NR5A1: variants seen among roughly 807,000 people sequenced by gnomAD.
NR5A1 encodes the protein steroidogenic factor 1.
A neutral mutation model predicts 42.7 loss-of-function variants in NR5A1; 6 were observed. That is an observed-to-expected ratio of 0.14 (90% CI 0.08 to 0.28). The LOEUF is 0.28. Among genes scored for constraint, NR5A1 ranks in the 10% least tolerant of loss-of-function variants. The pLI, the probability that NR5A1 is intolerant of heterozygous loss-of-function variation, is 1.00. For missense variants in NR5A1, 442 were observed against 626.4 expected (o/e 0.71, Z 3.14); for synonymous variants, 274 against 277.5 (o/e 0.99, Z 0.12).
Position 124,503,170 on chromosome 9 carries a change from C to G in NR5A1, c.153G>C (p.Glu51Asp). Reference protein sequence around the residue: ...VQNNKHYTCTESQSCKIDKTQ... With the variant: ...VQNNKHYTCTDSQSCKIDKTQ... ...TCTTGTCGATCTTGCAGCTCTGGCT[C>G]TCGGTGCACGTGTAGTGCTTGTTGT... The change falls in exon 3 of 7, where the codon GAG becomes GAC. Residue 51 changes from glutamate (E) to aspartate (D), a missense_variant. Glu to Asp is a conservative substitution (Grantham distance 45). This residue lies in a region of NR5A1 where 71 missense variants were observed against 156.8 expected (regional missense o/e 0.45). Transcript: ENST00000373588. This position sits in a 1 kb window ranked among gnomAD's most constrained non-coding sequence, Gnocchi z 9.6. 1 of 1,601,334 alleles carries G rather than the reference C, an allele frequency of 6.2e-7. No homozygotes were observed. Among genetic ancestry groups the G allele is most frequent in the Non-Finnish European group, 8.5e-7 (1 of 1,175,014 alleles).
chr9:124,494,588 C>T (rs1832360563), intron 4 of NR5A1, among the ~76,000 whole-genome samples: 1 of 152,210 alleles, frequency 6.6e-6, no homozygotes, highest in South Asian at 2.1e-4. Context: ...TCTCTGGGCC[C>T]CAGAGCAGTG....
chr9:124,482,566 C>A lies in NR5A1; in HGVS notation c.*192G>T. ...CAGTGGCCACTCCACCTCCGCCAGG[C>A]CCTGCCCAGCCTCACCCACCTTCCC... is the stretch of plus-strand genomic sequence containing the variant. On this transcript the variant is annotated 3_prime_UTR_variant, in exon 7 of 7. Coordinates refer to ENST00000373588, the MANE Select transcript of NR5A1 (RefSeq NM_004959.5). The A allele has an allele frequency of 1.5e-6, 1 of 676,080 alleles. No homozygotes were observed. The highest frequency in any genetic ancestry group is 2.4e-6 in the Non-Finnish European group (1 of 419,268). 41.9% of individuals were successfully genotyped at this position (676,080 alleles called of 1,614,324 possible).
At chr9:124,493,667 G>C (rs987111767) in intron 4 of NR5A1, among the ~76,000 whole-genome samples, 1 of 152,200 alleles carries the variant, frequency 6.6e-6, no homozygotes, top group Non-Finnish European at 1.5e-5. Context: ...CTTCCCCCCC[G>C]GGCCTACGCA....
At position 124,498,569 on chromosome 9, in the gene NR5A1, C is replaced by CG. The variant is rs1157103327; in HGVS notation, c.870+1520dup. Among the ~76,000 whole-genome samples the CG allele has an allele frequency of 1.3e-5, 2 of 152,198 alleles. No individual in the cohort carries two copies. Among genetic ancestry groups the CG allele is most frequent in the East Asian group, 1.9e-4 (1 of 5,188 alleles). On this transcript the variant is annotated intron_variant, in intron 4 of 6. Transcript: ENST00000373588. The surrounding 1 kb of genome is among the most constrained non-coding windows in gnomAD (Gnocchi z 4.6). The stretch of plus-strand genomic sequence containing the variant: ...TGCCCTGCTCCTCCTCCCCTCTGCA[C>CG]GGGGGGTGCATGGGAAGTCTGGAGG...
At position 124,500,147 on chromosome 9, in the gene NR5A1, C is replaced by A; in HGVS notation, c.813G>T (p.Gln271His). Residue 271 changes from glutamine to histidine, a missense_variant, in exon 4 of 7, where the codon CAG becomes CAT. Transcript: ENST00000373588. This position sits in a 1 kb window ranked among gnomAD's most constrained non-coding sequence, Gnocchi z 6.9. ...CCCAGTCCACGATGGAGATGAAGGT[C>A]TGGTCGGCCATTCTGCACAGGAGGC... The part of the protein sequence containing the change: ...AFGLLCRMAD[Q>H]TFISIVDWAR... 6.2e-7 allele frequency: 1 copy of A among 1,613,072 alleles called. No individual in the cohort carries two copies.
In NR5A1 at chr9:124,482,463, A is replaced by AGAGCTGG. The variant is rs1398474671; in HGVS notation, c.*288_*294dup. ...CTGCAGGCTTCAGACTCCAGGAGAG[A>AGAGCTGG]GAGCTGGGAGCAGGGAGGGGGCGGG... On this transcript the variant is annotated 3_prime_UTR_variant, in exon 7 of 7. Coordinates refer to ENST00000373588, the MANE Select transcript of NR5A1 (RefSeq NM_004959.5). 9 of 448,996 alleles carry AGAGCTGG rather than the reference A, an allele frequency of 2.0e-5. No individual in the cohort carries two copies. Among genetic ancestry groups the AGAGCTGG allele is most frequent in the Admixed American group, 3.5e-5 (1 of 28,698 alleles). 27.8% of individuals were successfully genotyped at this position (448,996 alleles called of 1,614,324 possible).
chr9:124,502,481 C>T (rs549776236), intron 3 of NR5A1, among the ~76,000 whole-genome samples: 1 of 152,140 alleles, frequency 6.6e-6, no homozygotes, highest in Non-Finnish European at 1.5e-5. Flanking sequence ...AGGCACATGT[C>T]ACCACGCCCA....
At chr9:124,504,909 C>T (rs1832530764) in intron 1 of NR5A1, among the ~76,000 whole-genome samples, 1 of 146,954 alleles carries the variant, frequency 6.8e-6, no homozygotes. Context: ...CCTGTTCCCC[C>T]CCGCACCGCC....
chr9:124,486,346 A>G (rs558980265), intron 6 of NR5A1, among the ~76,000 whole-genome samples: 10 of 152,200 alleles, frequency 6.6e-5, no homozygotes, highest in Non-Finnish European at 1.5e-4. Flanking sequence ...ATCTCAGCAG[A>G]CATCCAGACA....
At chr9:124,504,045 A>AC (rs1688616916) in intron 1 of NR5A1, among the ~76,000 whole-genome samples, 3 of 131,422 alleles carry the variant, frequency 2.3e-5, no homozygotes, top group Non-Finnish European at 4.5e-5. Context: ...AGAGAGAGAG[A>AC]GAGAGACGAG....
intron 6 of NR5A1, among the ~76,000 whole-genome samples, chr9:124,487,676 C>G (rs1045743937): frequency 6.6e-6 from 1 of 152,238 alleles, no homozygotes. Context: ...CCAGGCTGTC[C>G]GGCCCAGGGC....
chr9:124,500,194 G>A lies in NR5A1; in HGVS notation c.766C>T (p.Pro256Ser), dbSNP rs1832444845. Residue 256 changes from proline (P) to serine (S), a missense_variant, in exon 4 of 7, where the codon CCC (proline) becomes TCC (serine). Pro to Ser is a moderately conservative substitution (Grantham distance 74, BLOSUM62 -1). Coordinates refer to ENST00000373588, the MANE Select transcript of NR5A1 (RefSeq NM_004959.5). The surrounding 1 kb of genome is among the most constrained non-coding windows in gnomAD (Gnocchi z 6.9). ...AGGCCGAAGGCCGCCGGCTGGTCGG[G>A]GCGGCTTTTGGTGGGCTCCTGCAGG... Reference protein sequence around the residue: ...GCLQEPTKSRPDQPAAFGLLC... With the variant: ...GCLQEPTKSRSDQPAAFGLLC... 2 of 1,610,074 alleles carry A rather than the reference G, an allele frequency of 1.2e-6. No individual in the cohort carries two copies. The highest frequency in any genetic ancestry group is 1.3e-5 in the African/African-American group (1 of 74,862).
intron 4 of NR5A1, among the ~76,000 whole-genome samples, chr9:124,495,900 C>G (rs558318278): frequency 4.9e-4 from 74 of 152,302 alleles, no homozygotes; most frequent in Non-Finnish European, 8.8e-4. Flanking sequence ...GTGCCCCGTG[C>G]CCTGCATTCG....
intron 4 of NR5A1, among the ~76,000 whole-genome samples, chr9:124,499,272 T>C (rs1832431359): frequency 1.3e-5 from 2 of 152,204 alleles, no homozygotes. Flanking sequence ...TTCTTTCCTA[T>C]GTCTAGCCTC....
intron 4 of NR5A1, among the ~76,000 whole-genome samples, chr9:124,499,261 G>A (rs1564152032): frequency 6.6e-6 from 1 of 152,328 alleles, no homozygotes; most frequent in South Asian, 2.1e-4. Context: ...AGACTGGGAA[G>A]TTCTTTCCTA....
At chr9:124,489,659 C>T (rs74742299) in intron 6 of NR5A1, among the ~76,000 whole-genome samples, 11,121 of 152,072 alleles carry the variant, frequency 0.073, 630 homozygotes, top group Non-Finnish European at 0.1. Context: ...GAGGGAGCTT[C>T]CCCAGCTGCA....
At chr9:124,490,529 T>C (rs1832291923) in intron 6 of NR5A1, among the ~76,000 whole-genome samples, 1 of 152,168 alleles carries the variant, frequency 6.6e-6, no homozygotes, top group Non-Finnish European at 1.5e-5. Context: ...TCCTTAGCAC[T>C]GGTCACAACC....
rs1832124631 is a variant in NR5A1 at position 124,481,341 on chromosome 9, T to C, written c.*1417A>G. The C allele has an allele frequency of 7.0e-6, 1 of 142,518 alleles. No homozygotes were observed. Among genetic ancestry groups the C allele is most frequent in the African/African-American group, 2.8e-5 (1 of 35,698 alleles). 8.8% of individuals were successfully genotyped at this position (142,518 alleles called of 1,614,324 possible). A position where few individuals can be genotyped will look rare whatever the true frequency, so the allele number is the denominator to read the frequency against. On this transcript the variant is annotated 3_prime_UTR_variant, in exon 7 of 7. Coordinates refer to ENST00000373588, the MANE Select transcript of NR5A1 (RefSeq NM_004959.5). ...GGTCTCCGGCCTTGGCAGGGGCACA[T>C]GTTTCAGGGGGCGGGGAGGGGAGGT... is the stretch of plus-strand genomic sequence containing the variant.
rs1199145590 is a variant in NR5A1, at chr9:124,500,408, G to C, written c.552C>G (p.Leu184=). 1 of 1,563,634 alleles carries C rather than the reference G, an allele frequency of 6.4e-7. No individual in the cohort carries two copies. Among genetic ancestry groups the C allele is most frequent in the East Asian group, 2.4e-5 (1 of 41,822 alleles). Residue 184 remains leucine, a synonymous_variant, in exon 4 of 7, where the codon CTC becomes CTG. Coordinates refer to ENST00000373588, the MANE Select transcript of NR5A1 (RefSeq NM_004959.5). This position sits in a 1 kb window ranked among gnomAD's most constrained non-coding sequence, Gnocchi z 6.9. ...PGAHGPLAGY[L]YPAFPGRAIK... is the part of the protein sequence containing the mutation. ...TGGCACGGCCAGGAAAGGCAGGGTAGAGGTAGCCAGCCAGTGGCCCGTGGG... is the reference window on the plus strand; with the variant it reads ...TGGCACGGCCAGGAAAGGCAGGGTACAGGTAGCCAGCCAGTGGCCCGTGGG...
Sources: allele counts gnomAD v4.1 joint callset (sites outside exome capture counted in the v4.1 genomes callset), GRCh38; gene constraint gnomAD v4.1.1; regional missense constraint gnomAD v4.1.1; non-coding constraint Gnocchi (gnomAD v3.1); transcripts MANE v1.5; gene names NCBI Gene and HGNC (gene_info 2026-07-23, HGNC 2026-07-21).